RAPH1: variants seen among roughly 807,000 people sequenced by gnomAD.
The protein encoded by RAPH1 is ras-associated and pleckstrin homology domains-containing protein 1.
Under a neutral mutation model 88.1 loss-of-function variants are expected in RAPH1, and 18 were observed. The observed-to-expected ratio is 0.20, with a 90% CI of 0.14 to 0.30. RAPH1 has a LOEUF of 0.30. Ranked by LOEUF, RAPH1 falls within the 10% of genes least tolerant of loss-of-function variation. The probability of loss-of-function intolerance (pLI) is 1.00; values close to 1 mark genes in which losing one functional copy is unlikely to be tolerated. For synonymous variants in RAPH1, 587 were observed against 559.0 expected, an observed-to-expected ratio of 1.05 and a Z score of -0.71; for missense variants, 1,448 against 1,543.2, an observed-to-expected ratio of 0.94 and a Z score of 1.03.
chr2:203,477,235 A>G, intron 4 of RAPH1: 1 of 1,054,504 alleles, frequency 9.5e-7, no homozygotes, highest in South Asian at 1.3e-5. Context: ...CAGGAAGAGA[A>G]AAAGATCAAT....
intron 4 of RAPH1, among the ~76,000 whole-genome samples, chr2:203,484,220 A>C (rs1687863064): frequency 6.6e-6 from 1 of 152,208 alleles, no homozygotes; most frequent in Non-Finnish European, 1.5e-5. Context: ...AGAAGATTTG[A>C]TGCTGGTACT....
In RAPH1 at chr2:203,440,235, A is replaced by G. The variant is rs6756129; in HGVS notation, c.2955T>C (p.Ser985=). Residue 985 remains serine, a synonymous_variant, in exon 14 of 14, where the codon AGT becomes AGC. Coordinates refer to ENST00000319170, the MANE Select transcript of RAPH1 (RefSeq NM_213589.3). ...TCTTGGGCTCGGGGTGCTCTGCACC[A>G]CTGCTGGATTTAATGCTGGAGTTGC... ...PQRNSSIKSS[S]GAEHPEPKRP... The G allele has an allele frequency of 6.9e-3, 11,179 of 1,613,878 alleles. 591 individuals are homozygous for G. The African/African-American group carries it at 0.12, about 18-fold the overall frequency.
chr2:203,484,777 C>G (rs1016594941), intron 4 of RAPH1, among the ~76,000 whole-genome samples: 1 of 152,204 alleles, frequency 6.6e-6, no homozygotes, highest in African/African-American at 2.4e-5. Flanking sequence ...CAGATTCCCT[C>G]TTTTACTCAC....
chr2:203,458,154 GA>G (rs2098521322), intron 7 of RAPH1, among the ~76,000 whole-genome samples: 1 of 152,040 alleles, frequency 6.6e-6, no homozygotes, highest in Admixed American at 6.6e-5. Flanking sequence ...GGTGGATCAC[GA>G]GGTCAGAAGT....
chr2:203,459,800 C>T (rs892381860), intron 7 of RAPH1, 107 bp downstream of exon 7: 78 of 1,144,582 alleles, frequency 6.8e-5, no homozygotes, highest in East Asian at 9.7e-5. Context: ...GCAGGTATAT[C>T]GCTCCAACCA....
rs1487530881 is a variant in RAPH1, at chr2:203,458,312, A to G, written c.1093-717T>C. Among the ~76,000 whole-genome samples, 3 of 152,160 alleles carry G rather than the reference A, an allele frequency of 2.0e-5. No homozygotes were observed. In the South Asian group the frequency reaches 6.2e-4, roughly 32 times the overall value. ...TGGAGGCGGAGGTTGCAGTGAGCCA[A>G]GATCACGCCACTGACTCCAGCCTGG... On this transcript the variant is annotated intron_variant, in intron 7 of 13. Coordinates refer to ENST00000319170, the MANE Select transcript of RAPH1 (RefSeq NM_213589.3).
At position 203,517,291 on chromosome 2, in the gene RAPH1, A is replaced by G. The variant is rs569812376; in HGVS notation, c.-1+17820T>C. 2.1e-5 allele frequency among the ~76,000 whole-genome samples: 3 copies of G among 141,950 alleles called. No individual in the cohort carries two copies. The South Asian group carries it at 7.5e-4, about 35-fold the overall frequency. 93.1% of individuals were successfully genotyped at this position (141,950 alleles called of 152,430 possible). A position where few individuals can be genotyped will look rare whatever the true frequency, so the allele number is the denominator to read the frequency against. On this transcript the variant is annotated intron_variant, in intron 1 of 13. Coordinates refer to ENST00000319170, the MANE Select transcript of RAPH1 (RefSeq NM_213589.3). ...GGTATTACATAATGATAAAGGGTCG[A>G]GTCTCCAAGATGACATTACATCCTG...
At chr2:203,476,996 G>T in intron 4 of RAPH1, 2 of 1,002,356 alleles carry the variant, frequency 2.0e-6, no homozygotes, top group South Asian at 1.4e-5. Flanking sequence ...GAAGTTATAT[G>T]AAAAGGTTTC....
chr2:203,531,275 G>A (rs1690376937), intron 1 of RAPH1, among the ~76,000 whole-genome samples: 1 of 152,102 alleles, frequency 6.6e-6, no homozygotes, highest in African/African-American at 2.4e-5. Context: ...GGCTGGGGGA[G>A]GGATAGCACT....
chr2:203,531,311 G>A (rs1236345237), intron 1 of RAPH1, among the ~76,000 whole-genome samples: 3 of 152,184 alleles, frequency 2.0e-5, no homozygotes, highest in East Asian at 1.9e-4. Context: ...TGTAAATGAC[G>A]AGTCAATGGG....
rs2098498317 is a variant in RAPH1 at position 203,436,151 on chromosome 2, A to C, written c.*3286T>G. 1 of 152,226 alleles carries C rather than the reference A, an allele frequency of 6.6e-6. No homozygotes were observed. Among genetic ancestry groups the C allele is most frequent in the African/African-American group, 2.4e-5 (1 of 41,458 alleles). 9.4% of individuals were successfully genotyped at this position (152,226 alleles called of 1,614,324 possible). On this transcript the variant is annotated 3_prime_UTR_variant, in exon 14 of 14. Coordinates refer to ENST00000319170, the MANE Select transcript of RAPH1 (RefSeq NM_213589.3). Reference sequence around the variant, plus strand: ...ATGGAAAGGGGACCCAAGACAGTTCACCAAGATAGTTCACAGCCCTTTGCA... The same window carrying C: ...ATGGAAAGGGGACCCAAGACAGTTCCCCAAGATAGTTCACAGCCCTTTGCA...
chr2:203,445,071 A>G (rs2098508277), intron 12 of RAPH1, 61 bp from the exon 13 acceptor site: 2 of 1,469,000 alleles, frequency 1.4e-6, no homozygotes, highest in African/African-American at 1.4e-5. Flanking sequence ...CAATATTCAT[A>G]TGTATGTCTA....
chr2:203,506,876 A>C lies in RAPH1; in HGVS notation c.1-11523T>G, dbSNP rs1332617105. On this transcript the variant is annotated intron_variant, in intron 1 of 13. Coordinates refer to ENST00000319170, the MANE Select transcript of RAPH1 (RefSeq NM_213589.3). ...TATATCTATATATATATATATATAT[A>C]TATAGATATATATATATATATATTT... Among the ~76,000 whole-genome samples, 155 of 90,342 alleles carry C rather than the reference A, an allele frequency of 1.7e-3. 20 individuals are homozygous for C. Among genetic ancestry groups the C allele is most frequent in the African/African-American group, 7.2e-3 (142 of 19,798 alleles). The allele number at this position is 90,342 out of a possible 152,430, so 59.3% of individuals were successfully genotyped here. A position where few individuals can be genotyped will look rare whatever the true frequency, so the allele number is the denominator to read the frequency against.
rs537535278 is a variant in RAPH1 at position 203,447,813 on chromosome 2, T to A, written c.1633+146A>T. The A allele has an allele frequency of 8.1e-6, 6 of 743,740 alleles. No individual in the cohort carries two copies. The South Asian group carries it at 1.3e-4, about 16-fold the overall frequency. 46.1% of individuals were successfully genotyped at this position (743,740 alleles called of 1,614,324 possible). ...TGATACTGTACCCTCTAGCAATTTT[T>A]AAAAAGGCATCTATTGATTATAATT... On this transcript the variant is annotated intron_variant, in intron 12 of 13. Transcript: ENST00000319170.
intron 4 of RAPH1, among the ~76,000 whole-genome samples, chr2:203,462,597 CAA>C (rs530650575): frequency 4.6e-4 from 70 of 152,192 alleles, no homozygotes; most frequent in African/African-American, 1.3e-3. Context: ...AGTTTACTGA[CAA>C]TATTTTTAAA....
At position 203,519,231 on chromosome 2, in the gene RAPH1, A is replaced by G. The variant is rs147237460; in HGVS notation, c.-1+15880T>C. 2.6e-5 allele frequency among the ~76,000 whole-genome samples: 4 copies of G among 152,358 alleles called. No individual in the cohort carries two copies. In the East Asian group the frequency reaches 7.7e-4, roughly 29 times the overall value. On this transcript the variant is annotated intron_variant, in intron 1 of 13. Coordinates refer to ENST00000319170, the MANE Select transcript of RAPH1 (RefSeq NM_213589.3). ...ATAAACCATTATCTCATGAACATAGATGCAAAAATCCTCAACAACATATTA... is the reference window on the plus strand; with the variant it reads ...ATAAACCATTATCTCATGAACATAGGTGCAAAAATCCTCAACAACATATTA...
intron 1 of RAPH1, among the ~76,000 whole-genome samples, chr2:203,527,049 G>T (rs185976131): frequency 6.6e-6 from 1 of 152,260 alleles, no homozygotes; most frequent in East Asian, 1.9e-4. Flanking sequence ...CTCCCAAAGT[G>T]CTGGGATTAC....
chr2:203,441,973 T>A, intron 13 of RAPH1: 1 of 1,495,916 alleles, frequency 6.7e-7, no homozygotes. Context: ...CACACAGGAA[T>A]GAATAAGCTT....
At chr2:203,501,928 A>C (rs562279637) in intron 1 of RAPH1, among the ~76,000 whole-genome samples, 1 of 152,276 alleles carries the variant, frequency 6.6e-6, no homozygotes, top group Admixed American at 6.5e-5. Context: ...TTCTGGGCTC[A>C]AGCAGTCCTC....
Sources: allele counts gnomAD v4.1 joint callset (sites outside exome capture counted in the v4.1 genomes callset), GRCh38; gene constraint gnomAD v4.1.1; transcripts MANE v1.5; gene names NCBI Gene and HGNC (gene_info 2026-07-23, HGNC 2026-07-21).